CALCR: variants seen among roughly 807,000 people sequenced by gnomAD.
The protein encoded by CALCR is calcitonin receptor.
Under a neutral mutation model 59.5 loss-of-function variants are expected in CALCR, and 47 were observed. The observed-to-expected ratio is 0.79, with a 90% confidence interval of 0.63 to 1.01. CALCR has a LOEUF of 1.01. Among genes scored for constraint, CALCR ranks in the 50% least tolerant of loss-of-function variants. The probability of loss-of-function intolerance (pLI) is 0.00; values close to 1 mark genes in which losing one functional copy is unlikely to be tolerated. For synonymous variants in CALCR, 213 were observed against 211.3 expected, an observed-to-expected ratio of 1.01 and a Z score of -0.07; for missense variants, 566 against 597.1, an observed-to-expected ratio of 0.95 and a Z score of 0.54.
chr7:93,428,260 C>T (rs1340658102), intron 13 of CALCR, among the ~76,000 whole-genome samples: 1 of 152,132 alleles, frequency 6.6e-6, no homozygotes, highest in Non-Finnish European at 1.5e-5. Context: ...CACAACAGCC[C>T]TATGGGAAGG....
chr7:93,483,879 C>T (rs1800862073), intron 3 of CALCR: 1 of 437,660 alleles, frequency 2.3e-6, no homozygotes, highest in Non-Finnish European at 5.0e-6. Flanking sequence ...TGCATATAAA[C>T]CATCTTACAT....
intron 2 of CALCR, among the ~76,000 whole-genome samples, chr7:93,525,228 T>G (rs1033542801): frequency 6.6e-6 from 1 of 152,164 alleles, no homozygotes; most frequent in Non-Finnish European, 1.5e-5. Flanking sequence ...TTCCTATCTT[T>G]CCACTTGACA....
intron 2 of CALCR, among the ~76,000 whole-genome samples, chr7:93,509,616 A>G (rs1217395426): frequency 1.3e-5 from 2 of 152,192 alleles, no homozygotes; most frequent in Non-Finnish European, 2.9e-5. Context: ...CATTTGGAAT[A>G]CTCACATATG....
At chr7:93,531,117 T>C (rs186768196) in intron 2 of CALCR, among the ~76,000 whole-genome samples, 46 of 152,200 alleles carry the variant, frequency 3.0e-4, no homozygotes, top group Non-Finnish European at 2.6e-4. Flanking sequence ...TATTATAGTT[T>C]TATTATATTT....
At position 93,571,160 on chromosome 7, in the gene CALCR, CATT is replaced by C. The variant is rs201739654; in HGVS notation, c.-27+3126_-27+3128del. Among the ~76,000 whole-genome samples, 610 of 152,168 alleles carry C rather than the reference CATT, an allele frequency of 4.0e-3. 3 individuals carry two copies. Among genetic ancestry groups the C allele is most frequent in the African/African-American group, 0.014 (587 of 41,526 alleles). On this transcript the variant is annotated intron_variant, in intron 2 of 13. Coordinates refer to ENST00000426151, the MANE Select transcript of CALCR (RefSeq NM_001742.4). ...TCTTATCACTTGGTTTTATAACACT[CATT>C]ATATGAAGCTCTGGAAGATCACATT...
At chr7:93,464,652 T>C (rs1344658797) in intron 7 of CALCR, among the ~76,000 whole-genome samples, 2 of 151,970 alleles carry the variant, frequency 1.3e-5, no homozygotes, top group African/African-American at 4.8e-5. Flanking sequence ...TCTCTTTCAA[T>C]CAAAATTCTT....
At chr7:93,490,806 G>A (rs113932922) in intron 2 of CALCR, among the ~76,000 whole-genome samples, 18,747 of 151,620 alleles carry the variant, frequency 0.12, 2,503 homozygotes, top group African/African-American at 0.32. Context: ...AGGAAGAATC[G>A]ATATCGTGAA....
chr7:93,468,286 A>C (rs1193483108), intron 7 of CALCR, among the ~76,000 whole-genome samples: 2 of 151,806 alleles, frequency 1.3e-5, no homozygotes, highest in Admixed American at 1.3e-4. Flanking sequence ...TTAGTCTTAC[A>C]TATGCTAGCA....
chr7:93,475,854 C>T (rs1800655829), intron 5 of CALCR, among the ~76,000 whole-genome samples: 2 of 151,914 alleles, frequency 1.3e-5, no homozygotes, highest in South Asian at 4.1e-4. Context: ...TATTCACTCC[C>T]CACAGATTTT....
At chr7:93,469,344 T>C (rs1327353292) in intron 6 of CALCR, among the ~76,000 whole-genome samples, 1 of 151,066 alleles carries the variant, frequency 6.6e-6, no homozygotes, top group Non-Finnish European at 1.5e-5. Flanking sequence ...TTTTTCACGA[T>C]CATGGTTAAT....
At chr7:93,457,267 T>A (rs1016202127) in intron 8 of CALCR, among the ~76,000 whole-genome samples, 2 of 152,178 alleles carry the variant, frequency 1.3e-5, no homozygotes, top group African/African-American at 4.8e-5. Context: ...TTGGGAGTTT[T>A]GAAAAGCTTT....
chr7:93,516,084 A>G (rs774629698), intron 2 of CALCR, among the ~76,000 whole-genome samples: 1 of 151,930 alleles, frequency 6.6e-6, no homozygotes, highest in Non-Finnish European at 1.5e-5. Context: ...AACCAGTGTG[A>G]CCATATCCCA....
chr7:93,483,361 T>G (rs1488696491), intron 3 of CALCR, among the ~76,000 whole-genome samples: 2 of 151,454 alleles, frequency 1.3e-5, no homozygotes, highest in African/African-American at 2.4e-5. Flanking sequence ...TATCCAAGAT[T>G]GGTTCAATCT....
chr7:93,568,465 G>A (rs1160980733), intron 2 of CALCR, among the ~76,000 whole-genome samples: 3 of 149,934 alleles, frequency 2.0e-5, no homozygotes, highest in Admixed American at 6.8e-5. Context: ...GTAACATCCC[G>A]CATGAGTGCT....
At chr7:93,472,986 A>G (rs775100409) in intron 5 of CALCR, among the ~76,000 whole-genome samples, 3 of 151,802 alleles carry the variant, frequency 2.0e-5, no homozygotes, top group South Asian at 2.1e-4. Flanking sequence ...AATCTTCCCA[A>G]TCCCATATGG....
intron 2 of CALCR, among the ~76,000 whole-genome samples, chr7:93,550,130 C>T (rs1172606417): frequency 1.3e-5 from 2 of 151,972 alleles, no homozygotes; most frequent in African/African-American, 4.8e-5. Context: ...CTTGGTTAGA[C>T]AGCATTTACT....
chr7:93,491,428 C>A (rs1184263861), intron 2 of CALCR, among the ~76,000 whole-genome samples: 1 of 152,054 alleles, frequency 6.6e-6, no homozygotes, highest in Non-Finnish European at 1.5e-5. Flanking sequence ...AACTAAAGAA[C>A]TTCTGCGCAG....
intron 3 of CALCR, among the ~76,000 whole-genome samples, chr7:93,480,400 A>C (rs990223542): frequency 4.6e-5 from 7 of 151,540 alleles, no homozygotes; most frequent in Non-Finnish European, 1.0e-4. Context: ...TTTTTTGAGG[A>C]GACCTAAAAA....
intron 2 of CALCR, among the ~76,000 whole-genome samples, chr7:93,545,113 G>T (rs991048554): frequency 6.6e-6 from 1 of 152,028 alleles, no homozygotes; most frequent in Non-Finnish European, 1.5e-5. Flanking sequence ...GGAAGGATAA[G>T]GTACTCATGT....
Sources: allele counts gnomAD v4.1 joint callset (sites outside exome capture counted in the v4.1 genomes callset), GRCh38; gene constraint gnomAD v4.1.1; transcripts MANE v1.5; gene names NCBI Gene and HGNC (gene_info 2026-07-23, HGNC 2026-07-21).